The following TRAPPC9 variants were observed in gnomAD, a reference collection of about 807,000 sequenced individuals.
TRAPPC9 encodes trafficking protein particle complex subunit 9.
TRAPPC9 carries 83 observed loss-of-function variants against 124.0 expected under a neutral mutation model. The ratio of observed to expected loss-of-function variants is 0.67; its 90% confidence interval spans 0.56 to 0.80. The LOEUF (loss-of-function observed/expected upper bound fraction) is 0.80. TRAPPC9 is among the 30% of genes least tolerant of loss of function. The probability of loss-of-function intolerance (pLI) is 0.00; values close to 1 mark genes in which losing one functional copy is unlikely to be tolerated. For missense variants in TRAPPC9, 1,302 were observed against 1,508.3 expected, an observed-to-expected ratio of 0.86 and a Z score of 2.27; for synonymous variants, 638 against 617.5, an observed-to-expected ratio of 1.03 and a Z score of -0.49.
chr8:139,864,829 T>C (rs1005984899), intron 21 of TRAPPC9, among the ~76,000 whole-genome samples: 2 of 152,188 alleles, frequency 1.3e-5, no homozygotes, highest in African/African-American at 4.8e-5. Flanking sequence ...CAAAGGTGTT[T>C]AATGCCAGCA....
At chr8:140,072,526 AAGGAGGAGGAGG>A (rs1232378174) in intron 17 of TRAPPC9, among the ~76,000 whole-genome samples, 52 of 137,952 alleles carry the variant, frequency 3.8e-4, no homozygotes, top group African/African-American at 1.2e-3. Context: ...TCAAAAAAAA[AAGGAGGAGGAGG>A]AGGAGGAGGA....
Position 139,825,057 on chromosome 8 carries a change from A to G in TRAPPC9, c.3055+60822T>C, listed in dbSNP as rs968775514. On this transcript the variant is annotated intron_variant, in intron 21 of 22. Transcript: ENST00000438773. This position sits in a 1 kb window ranked among gnomAD's most constrained non-coding sequence, Gnocchi z 4.6. ...GCGCCAAAAGGACCTCTCATTCCAC[A>G]GAGAACACTCAGGGGTGGGGTTGCT... Among the ~76,000 whole-genome samples, 74 of 152,136 alleles carry G rather than the reference A, an allele frequency of 4.9e-4. No homozygotes were observed. Among genetic ancestry groups the G allele is most frequent in the African/African-American group, 1.8e-3 (74 of 41,440 alleles).
At chr8:140,162,983 C>A (rs540643026) in intron 17 of TRAPPC9, among the ~76,000 whole-genome samples, 1 of 152,000 alleles carries the variant, frequency 6.6e-6, no homozygotes, top group African/African-American at 2.4e-5. Context: ...CAGAGCAAGA[C>A]CCTGTCTCAA....
intron 17 of TRAPPC9, among the ~76,000 whole-genome samples, chr8:140,088,205 A>G (rs765121843): frequency 5.9e-5 from 9 of 152,152 alleles, no homozygotes; most frequent in Non-Finnish European, 1.0e-4. Context: ...TCATTAGAAT[A>G]TAAGCTCCGT....
At chr8:140,065,126 G>C (rs150804363) in intron 17 of TRAPPC9, among the ~76,000 whole-genome samples, 1 of 152,200 alleles carries the variant, frequency 6.6e-6, no homozygotes, top group East Asian at 1.9e-4. Context: ...TCCTTACCAC[G>C]GTTATTTACC....
At chr8:140,385,532 T>C (rs1243267516) in intron 7 of TRAPPC9, among the ~76,000 whole-genome samples, 2 of 152,140 alleles carry the variant, frequency 1.3e-5, no homozygotes, top group East Asian at 1.9e-4. Context: ...GAGAATACTA[T>C]AAACACCTCT....
intron 17 of TRAPPC9, among the ~76,000 whole-genome samples, chr8:140,105,878 CA>C (rs2130433245): frequency 1.3e-5 from 2 of 152,260 alleles, no homozygotes; most frequent in African/African-American, 4.8e-5. Flanking sequence ...GCAGCACTAC[CA>C]GGCTGGCCAC....
At chr8:140,134,540 A>AGGTGTGAGCCACCG (rs60628750) in intron 17 of TRAPPC9, among the ~76,000 whole-genome samples, 13 of 150,166 alleles carry the variant, frequency 8.7e-5, no homozygotes, top group Admixed American at 6.0e-4. Flanking sequence ...CTGGGATTAC[A>AGGTGTGAGCCACCG]TGGTTGGCCA....
At chr8:140,009,968 G>A (rs1323579908) in intron 18 of TRAPPC9, among the ~76,000 whole-genome samples, 1 of 152,162 alleles carries the variant, frequency 6.6e-6, no homozygotes, top group Non-Finnish European at 1.5e-5. Context: ...ATGCTGGTGA[G>A]GCTGCGGGGA....
At chr8:139,754,143 C>A (rs1819540823) in intron 21 of TRAPPC9, among the ~76,000 whole-genome samples, 1 of 151,470 alleles carries the variant, frequency 6.6e-6, no homozygotes, top group Non-Finnish European at 1.5e-5. Context: ...ACAGCCAAGG[C>A]CCCCCCAGCC....
intron 8 of TRAPPC9, among the ~76,000 whole-genome samples, chr8:140,363,347 C>T (rs2068012544): frequency 6.6e-6 from 1 of 152,168 alleles, no homozygotes; most frequent in South Asian, 2.1e-4. Context: ...AAAAAGAATA[C>T]ATTTTGGGAC....
chr8:140,221,584 C>G lies in TRAPPC9; in HGVS notation c.2432-1G>C. ...GGAAAGCCACTCACACTGATTCCAT[C>G]TACAAAATAAGAACAAAAATCATAA... is the stretch of plus-strand genomic sequence containing the variant. On this transcript the variant is annotated splice_acceptor_variant, in intron 16 of 22. Transcript: ENST00000438773. LOFTEE classifies it high-confidence loss of function. 4 of 1,613,604 alleles carry G rather than the reference C, an allele frequency of 2.5e-6. No individual in the cohort carries two copies. The highest frequency in any genetic ancestry group is 1.1e-5 in the South Asian group (1 of 91,046).
chr8:140,327,546 T>C (rs910710029), intron 9 of TRAPPC9, among the ~76,000 whole-genome samples: 2 of 152,164 alleles, frequency 1.3e-5, no homozygotes, highest in African/African-American at 4.8e-5. Flanking sequence ...AAACAAAATG[T>C]AGTCTATCCC....
intron 21 of TRAPPC9, among the ~76,000 whole-genome samples, chr8:139,840,637 C>G (rs1049616979): frequency 6.6e-6 from 1 of 152,212 alleles, no homozygotes; most frequent in Non-Finnish European, 1.5e-5. Context: ...CTGCACTGGA[C>G]AGTCGGGCCA....
chr8:140,395,697 T>C (rs1328671611), intron 7 of TRAPPC9, among the ~76,000 whole-genome samples: 1 of 152,180 alleles, frequency 6.6e-6, no homozygotes, highest in Non-Finnish European at 1.5e-5. Context: ...AGTGTCTTAT[T>C]ATTAGTCATA....
intron 19 of TRAPPC9, among the ~76,000 whole-genome samples, chr8:139,921,836 C>T (rs899412908): frequency 4.6e-5 from 7 of 151,512 alleles, no homozygotes; most frequent in Non-Finnish European, 8.8e-5. Context: ...CATCCGAGAG[C>T]GCACACATCT....
At chr8:139,888,754 C>T (rs1830166113) in intron 20 of TRAPPC9, among the ~76,000 whole-genome samples, 1 of 152,234 alleles carries the variant, frequency 6.6e-6, no homozygotes, top group African/African-American at 2.4e-5. Flanking sequence ...CTGACAAATA[C>T]TCTGCAATGA....
intron 21 of TRAPPC9, among the ~76,000 whole-genome samples, chr8:139,773,276 A>G (rs1821112870): frequency 6.6e-6 from 1 of 152,244 alleles, no homozygotes; most frequent in African/African-American, 2.4e-5. Context: ...CGAAAATCCA[A>G]AGTGAATGCT....
At chr8:139,875,680 C>T (rs910729063) in intron 21 of TRAPPC9, among the ~76,000 whole-genome samples, 8 of 152,170 alleles carry the variant, frequency 5.3e-5, no homozygotes, top group Admixed American at 2.0e-4. Context: ...GCCGACCAGG[C>T]TCTCAGAGTC....
Sources: allele counts gnomAD v4.1 joint callset (sites outside exome capture counted in the v4.1 genomes callset), GRCh38; gene constraint gnomAD v4.1.1; non-coding constraint Gnocchi (gnomAD v3.1); transcripts MANE v1.5; gene names NCBI Gene and HGNC (gene_info 2026-07-23, HGNC 2026-07-21).